The following ZBTB20 variants were observed in gnomAD, a reference collection of about 807,000 sequenced individuals.
The protein encoded by ZBTB20 is zinc finger and BTB domain-containing protein 20.
In ZBTB20, 9 loss-of-function variants were observed where a neutral mutation model predicts 56.9. The observed-to-expected ratio is 0.16, with a 90% CI of 0.10 to 0.28. ZBTB20 has a LOEUF of 0.28. ZBTB20 is among the 10% of genes least tolerant of loss of function. The probability of loss-of-function intolerance (pLI) is 1.00; values close to 1 mark genes in which losing one functional copy is unlikely to be tolerated. For missense variants in ZBTB20, 655 were observed against 1,003.0 expected (o/e 0.65, Z 4.69); for synonymous variants, 417 against 420.7 (o/e 0.99, Z 0.11).
chr3:115,027,547 T>C (rs1240620876), intron 2 of ZBTB20: 1 of 150,950 alleles, frequency 6.6e-6, no homozygotes, highest in African/African-American at 2.4e-5. Flanking sequence ...GACTATATCC[T>C]ATGGTGTGTC....
intron 3 of ZBTB20, among the ~76,000 whole-genome samples, chr3:114,904,170 T>A (rs77291902): frequency 0.029 from 4,346 of 152,146 alleles, 143 homozygotes; most frequent in African/African-American, 0.073. Context: ...TAGGTTGGCA[T>A]AGCTGTGTTC....
At chr3:114,537,551 G>T (rs2048616177) in intron 6 of ZBTB20, among the ~76,000 whole-genome samples, 1 of 152,186 alleles carries the variant, frequency 6.6e-6, no homozygotes. Flanking sequence ...GTGTAAATTA[G>T]TTCAACCATT....
chr3:114,405,659 T>C (rs1269871617), intron 7 of ZBTB20, among the ~76,000 whole-genome samples: 1 of 152,170 alleles, frequency 6.6e-6, no homozygotes, highest in Non-Finnish European at 1.5e-5. Flanking sequence ...GAAGTAGGCA[T>C]GTGGTAAACA....
chr3:114,350,129 G>A, intron 11 of ZBTB20, 145 bp downstream of exon 11: 7 of 1,184,874 alleles, frequency 5.9e-6, no homozygotes, highest in Non-Finnish European at 8.2e-6. Flanking sequence ...GAACACAGTT[G>A]GGGTTTCTAG....
chr3:114,746,475 G>T (rs1166622609), intron 5 of ZBTB20, among the ~76,000 whole-genome samples: 1 of 152,010 alleles, frequency 6.6e-6, no homozygotes, highest in African/African-American at 2.4e-5. Context: ...TTAGTGGAAT[G>T]CAGTAACAGA....
chr3:114,315,015 G>C lies in ZBTB20; in HGVS notation c.*23990C>G, dbSNP rs904169298. On this transcript the variant is annotated 3_prime_UTR_variant, in exon 12 of 12. Transcript: ENST00000675478. Reference sequence around the variant, plus strand: ...CACTTGATAGAAAAGGCGTATGCAAGGTTTTTCCAAACAATTTTTCTGTTT... The same window carrying C: ...CACTTGATAGAAAAGGCGTATGCAACGTTTTTCCAAACAATTTTTCTGTTT... 1 of 151,980 alleles carries C rather than the reference G, an allele frequency of 6.6e-6. No homozygotes were observed. The highest frequency in any genetic ancestry group is 1.9e-4 in the East Asian group (1 of 5,196). The allele number at this position is 151,980 out of a possible 1,614,324, so 9.4% of individuals were successfully genotyped here.
chr3:114,540,184 T>C (rs777909260), intron 6 of ZBTB20, among the ~76,000 whole-genome samples: 1 of 152,058 alleles, frequency 6.6e-6, no homozygotes, highest in East Asian at 1.9e-4. Context: ...TGTGGTTTTC[T>C]TTGGTTGCTG....
At chr3:114,744,154 T>C (rs1342902402) in intron 5 of ZBTB20, among the ~76,000 whole-genome samples, 1 of 152,178 alleles carries the variant, frequency 6.6e-6, no homozygotes, top group Non-Finnish European at 1.5e-5. Flanking sequence ...CAGTAGCTTT[T>C]TGGATTTTAA....
intron 7 of ZBTB20, among the ~76,000 whole-genome samples, chr3:114,461,156 T>A (rs2092309788): frequency 6.6e-6 from 1 of 152,176 alleles, no homozygotes; most frequent in Admixed American, 6.5e-5. Context: ...ATTTCTTGAG[T>A]GCCAGAGACC....
At chr3:114,696,648 G>A (rs1030755606) in intron 5 of ZBTB20, among the ~76,000 whole-genome samples, 2 of 152,052 alleles carry the variant, frequency 1.3e-5, no homozygotes, top group African/African-American at 2.4e-5. Flanking sequence ...GAGGACACCA[G>A]TCAGTTAAGC....
chr3:114,560,633 T>C (rs2051897535), intron 6 of ZBTB20, among the ~76,000 whole-genome samples: 1 of 152,116 alleles, frequency 6.6e-6, no homozygotes, highest in African/African-American at 2.4e-5. Context: ...ACATCTTAAT[T>C]AAAAATACTT....
chr3:114,466,651 G>A (rs2092566560), intron 7 of ZBTB20, among the ~76,000 whole-genome samples: 1 of 152,226 alleles, frequency 6.6e-6, no homozygotes, highest in Admixed American at 6.5e-5. Flanking sequence ...GTTTGGGCAG[G>A]TGGATGTTTT....
intron 6 of ZBTB20, among the ~76,000 whole-genome samples, chr3:114,646,051 C>G (rs531151490): frequency 7.3e-6 from 1 of 136,842 alleles, no homozygotes; most frequent in Admixed American, 7.2e-5. Flanking sequence ...ACTTTTTGGC[C>G]TTAGTCATTT....
chr3:114,741,406 T>C (rs561126987), intron 5 of ZBTB20, among the ~76,000 whole-genome samples: 1 of 152,276 alleles, frequency 6.6e-6, no homozygotes, highest in South Asian at 2.1e-4. Context: ...ATAATTTCTA[T>C]GTTAAGAGTG....
intron 4 of ZBTB20, among the ~76,000 whole-genome samples, chr3:114,874,988 A>C (rs2076139324): frequency 6.6e-6 from 1 of 152,056 alleles, no homozygotes; most frequent in African/African-American, 2.4e-5. Context: ...CCCAAACTAC[A>C]ATCTTTCATG....
intron 5 of ZBTB20, among the ~76,000 whole-genome samples, chr3:114,731,915 C>A (rs2065792479): frequency 6.6e-6 from 1 of 152,110 alleles, no homozygotes; most frequent in Non-Finnish European, 1.5e-5. Context: ...AGATTAGTTA[C>A]TAATCCGGCT....
At chr3:114,830,872 C>T (rs1384842804) in intron 4 of ZBTB20, among the ~76,000 whole-genome samples, 2 of 151,814 alleles carry the variant, frequency 1.3e-5, no homozygotes, top group Non-Finnish European at 2.9e-5. Context: ...GCAATCCTGT[C>T]TGTAGCAATA....
chr3:114,769,927 T>C (rs931141078), intron 5 of ZBTB20, among the ~76,000 whole-genome samples: 1 of 151,002 alleles, frequency 6.6e-6, no homozygotes, highest in South Asian at 2.1e-4. Flanking sequence ...GGCATGGTGG[T>C]GTGCACCCGT....
At chr3:114,418,022 T>C (rs528407952) in intron 7 of ZBTB20, among the ~76,000 whole-genome samples, 1 of 152,194 alleles carries the variant, frequency 6.6e-6, no homozygotes, top group African/African-American at 2.4e-5. Flanking sequence ...GTAAATTCAC[T>C]AACCCATTTC....
Sources: gnomAD v4.1 joint callset for allele counts (sites outside exome capture counted in the v4.1 genomes callset) on GRCh38, gnomAD v4.1.1 for gene constraint, MANE v1.5 for transcripts, NCBI Gene and HGNC (gene_info 2026-07-23, HGNC 2026-07-21) for gene names.